TRAPPC12: variants seen among roughly 807,000 people sequenced by gnomAD.
TRAPPC12 encodes the protein TPR repeat protein 15.
TRAPPC12 carries 61 observed loss-of-function variants against 69.2 expected under a neutral mutation model. That is an observed-to-expected ratio of 0.88 (90% confidence interval 0.72 to 1.09). The LOEUF is 1.09. TRAPPC12 is among the 50% of genes least tolerant of loss of function. The pLI is 0.00. For synonymous variants in TRAPPC12, 469 were observed against 438.9 expected, an observed-to-expected ratio of 1.07 and a Z score of -0.86; for missense variants, 1,101 against 1,016.4, an observed-to-expected ratio of 1.08 and a Z score of -1.13.
At position 3,387,819 on chromosome 2, in the gene TRAPPC12, A is replaced by C. The variant is rs961857184; in HGVS notation, c.196A>C (p.Met66Leu). The C allele has an allele frequency of 6.2e-7, 1 of 1,612,918 alleles. No homozygotes were observed. Among genetic ancestry groups the C allele is most frequent in the Non-Finnish European group, 8.5e-7 (1 of 1,179,208 alleles). Residue 66 changes from methionine (M) to leucine (L), a missense_variant, in exon 2 of 12, where the codon ATG becomes CTG. Transcript: ENST00000324266. ...TCTCGCGGACAAGCTGAACGAACAC[A>C]TGATGGAGAGCGTCCTCATCTCTGA... is the stretch of plus-strand genomic sequence containing the variant. ...SPLADKLNEH[M>L]MESVLISDSP...
At chr2:3,429,493 C>T (rs774852114) in intron 5 of TRAPPC12, among the ~76,000 whole-genome samples, 7 of 152,168 alleles carry the variant, frequency 4.6e-5, no homozygotes, top group Non-Finnish European at 8.8e-5. Context: ...CTTAAATTTG[C>T]CTTTCCTATT....
chr2:3,417,736 T>C (rs932440229), intron 3 of TRAPPC12, among the ~76,000 whole-genome samples: 3 of 152,060 alleles, frequency 2.0e-5, no homozygotes, highest in Non-Finnish European at 2.9e-5. Flanking sequence ...AAACCTTAAG[T>C]TTCTCATTTT....
chr2:3,401,915 T>C, intron 3 of TRAPPC12, 22 bp downstream of exon 3: 1 of 1,499,204 alleles, frequency 6.7e-7, no homozygotes, highest in Non-Finnish European at 9.1e-7. Flanking sequence ...TGTGTTTGAT[T>C]TCAGTGTTGT....
At chr2:3,404,483 T>G (rs1011386626) in intron 3 of TRAPPC12, among the ~76,000 whole-genome samples, 3 of 152,168 alleles carry the variant, frequency 2.0e-5, no homozygotes, top group African/African-American at 7.2e-5. Context: ...AAAAGCCTGT[T>G]TTTGAGAAAG....
chr2:3,427,498 A>G (rs1663175824), intron 5 of TRAPPC12, among the ~76,000 whole-genome samples: 1 of 152,240 alleles, frequency 6.6e-6, no homozygotes, highest in Non-Finnish European at 1.5e-5. Flanking sequence ...TAGATTCAAA[A>G]TGACTCCTCT....
intron 8 of TRAPPC12, chr2:3,462,994 A>G (rs796710072): frequency 5.7e-5 from 27 of 469,758 alleles, no homozygotes; most frequent in African/African-American, 5.2e-4. Flanking sequence ...TTGTAAATCT[A>G]GTTTCACGGC....
intron 5 of TRAPPC12, among the ~76,000 whole-genome samples, chr2:3,432,334 T>G (rs1268666478): frequency 1.3e-5 from 2 of 152,204 alleles, no homozygotes; most frequent in Non-Finnish European, 2.9e-5. Context: ...CTCTCTACTC[T>G]TCCATCAGCT....
intron 9 of TRAPPC12, among the ~76,000 whole-genome samples, chr2:3,468,698 GAGTGACTCC>G (rs1665932159): frequency 1.3e-5 from 2 of 152,192 alleles, no homozygotes; most frequent in South Asian, 4.1e-4. Flanking sequence ...CCACCCCATA[GAGTGACTCC>G]AGTGCACACG....
chr2:3,443,635 G>C lies in TRAPPC12; in HGVS notation c.1418-144G>C, dbSNP rs893116185. 15 of 688,978 alleles carry C rather than the reference G, an allele frequency of 2.2e-5. No individual in the cohort carries two copies. In the African/African-American group the frequency reaches 2.3e-4, roughly 11 times the overall value. The allele number at this position is 688,978 out of a possible 1,614,324, so 42.7% of individuals were successfully genotyped here. A position where few individuals can be genotyped will look rare whatever the true frequency, so the allele number is the denominator to read the frequency against. On this transcript the variant is annotated intron_variant, in intron 5 of 11. Coordinates refer to ENST00000324266, the MANE Select transcript of TRAPPC12 (RefSeq NM_016030.6). The stretch of plus-strand genomic sequence containing the variant: ...GAAAACCAGCATGTATTTTATAGTT[G>C]ACACCGTTAAATACTTCACAAGAAA...
intron 5 of TRAPPC12, 102 bp from the exon 6 acceptor site, chr2:3,443,677 C>T: frequency 1.2e-6 from 1 of 819,862 alleles, no homozygotes; most frequent in Non-Finnish European, 2.1e-6. Context: ...GATCTGTCAT[C>T]ACTTCTGCTG....
At chr2:3,459,970 G>T (rs559019143) in intron 7 of TRAPPC12, 1 of 491,962 alleles carries the variant, frequency 2.0e-6, no homozygotes, top group Non-Finnish European at 3.7e-6. Flanking sequence ...CTTTGGAAAC[G>T]GGGCCCCCGG....
At chr2:3,399,814 C>G (rs974465525) in intron 2 of TRAPPC12, among the ~76,000 whole-genome samples, 8 of 148,974 alleles carry the variant, frequency 5.4e-5, no homozygotes, top group Admixed American at 1.3e-4. Flanking sequence ...CCGCTCCCCC[C>G]GCCACCGCCC....
chr2:3,387,849 C>CTAGGATTTGTCTGCCTCCTGCTG lies in TRAPPC12; in HGVS notation c.226_227insTAGGATTTGTCTGCCTCCTGCTG (p.Pro76LeufsTer113). ...GGAGAGCGTCCTCATCTCTGACTCC[C>CTAGGATTTGTCTGCCTCCTGCTG]CCAACAGCGAGGGCGACGCGGGCGA... On this transcript the variant is annotated frameshift_variant, in exon 2 of 12. Transcript: ENST00000324266. LOFTEE classifies it high-confidence loss of function. 6.2e-7 allele frequency: 1 copy of CTAGGATTTGTCTGCCTCCTGCTG among 1,603,552 alleles called. No individual in the cohort carries two copies. Among genetic ancestry groups the CTAGGATTTGTCTGCCTCCTGCTG allele is most frequent in the Non-Finnish European group, 8.5e-7 (1 of 1,172,324 alleles).
chr2:3,422,682 C>T (rs1427197665), intron 4 of TRAPPC12, among the ~76,000 whole-genome samples: 1 of 152,182 alleles, frequency 6.6e-6, no homozygotes, highest in Non-Finnish European at 1.5e-5. Flanking sequence ...GCTCCTTCTC[C>T]TTCTTTCTCT....
rs1665978957 is a variant in TRAPPC12 at position 3,469,726 on chromosome 2, G to A, written c.1776+4031G>A. Reference sequence around the variant, plus strand: ...GTGCATCTCTCTGGGGGCCCAGGCTGCGGGGTTGCCCCTCCTGCAAGAGTA... The same window carrying A: ...GTGCATCTCTCTGGGGGCCCAGGCTACGGGGTTGCCCCTCCTGCAAGAGTA... On this transcript the variant is annotated intron_variant, in intron 9 of 11. Coordinates refer to ENST00000324266, the MANE Select transcript of TRAPPC12 (RefSeq NM_016030.6). 3.9e-5 allele frequency among the ~76,000 whole-genome samples: 6 copies of A among 152,204 alleles called. No individual in the cohort carries two copies. The South Asian group carries it at 1.2e-3, about 32-fold the overall frequency.
At chr2:3,432,319 C>T (rs899398765) in intron 5 of TRAPPC12, among the ~76,000 whole-genome samples, 6 of 152,162 alleles carry the variant, frequency 3.9e-5, no homozygotes, top group African/African-American at 1.4e-4. Flanking sequence ...AATCGGATGC[C>T]GAATCTCTCT....
At position 3,387,644 on chromosome 2, in the gene TRAPPC12, C is replaced by T. The variant is rs1014802055; in HGVS notation, c.21C>T (p.Gly7=). ...GGGTCATGGAGGACGCTGGCGGCGG[C>T]GAGGAGACCCCGGCCCCGGAGGCCC... is the stretch of plus-strand genomic sequence containing the variant. The part of the protein sequence containing the change: MEDAGG[G]EETPAPEAPH... Residue 7 remains glycine, a synonymous_variant, in exon 2 of 12, where the codon GGC becomes GGT. Transcript: ENST00000324266. The T allele has an allele frequency of 3.2e-6, 5 of 1,544,138 alleles. No homozygotes were observed. Among genetic ancestry groups the T allele is most frequent in the Admixed American group, 4.0e-5 (2 of 50,394 alleles).
chr2:3,470,783 T>C (rs1266892305), intron 9 of TRAPPC12, among the ~76,000 whole-genome samples: 1 of 152,166 alleles, frequency 6.6e-6, no homozygotes, highest in Admixed American at 6.5e-5. Context: ...CCATTTTAAT[T>C]CTAAAGAGTG....
Position 3,412,627 on chromosome 2 carries a change from G to A in TRAPPC12, c.1165-9254G>A, listed in dbSNP as rs192207850. ...GGTGCTCATCTTGCAATGAGCAAGT[G>A]CAGGTGAGCTCTGACTGGAGCAGGG... is the stretch of plus-strand genomic sequence containing the variant. On this transcript the variant is annotated intron_variant, in intron 3 of 11. Transcript: ENST00000324266. Among the ~76,000 whole-genome samples the A allele has an allele frequency of 5.3e-4, 81 of 152,318 alleles. 2 individuals are homozygous for A. The Middle Eastern group carries it at 0.02, about 38-fold the overall frequency.
Sources: gnomAD v4.1 joint callset for allele counts (sites outside exome capture counted in the v4.1 genomes callset) on GRCh38, gnomAD v4.1.1 for gene constraint, MANE v1.5 for transcripts, NCBI Gene and HGNC (gene_info 2026-07-23, HGNC 2026-07-21) for gene names.